The following NRG2 variants were observed in gnomAD, a reference collection of about 807,000 sequenced individuals.
The protein encoded by NRG2 is neuregulin 2.
Under a neutral mutation model 73.9 loss-of-function variants are expected in NRG2, and 27 were observed. The observed-to-expected ratio is 0.37, with a 90% CI of 0.27 to 0.50. The LOEUF (loss-of-function observed/expected upper bound fraction) is 0.50, where lower values mean the gene tolerates loss of function less well. Among genes scored for constraint, NRG2 ranks in the 20% least tolerant of loss-of-function variants. NRG2 has a pLI of 0.96. For missense variants in NRG2, 1,126 were observed against 1,210.1 expected (o/e 0.93, Z 1.03); for synonymous variants, 532 against 541.0 (o/e 0.98, Z 0.23).
In NRG2 at chr5:139,853,038, G is replaced by A. The variant is rs115851527; in HGVS notation, c.1293-11C>T. On this transcript the variant is annotated splice_polypyrimidine_tract_variant and intron_variant, in intron 6 of 9. Coordinates refer to ENST00000361474, the MANE Select transcript of NRG2 (RefSeq NM_004883.3). This position sits in a 1 kb window ranked among gnomAD's most constrained non-coding sequence, Gnocchi z 4.1. ...TGCTTCCGCTGTTTTCTGCACAAGG[G>A]AAGGGAAGGTGAGGCTGGCATTCCC... 101 of 1,613,294 alleles carry A rather than the reference G, an allele frequency of 6.3e-5. No individual in the cohort carries two copies. The highest frequency in any genetic ancestry group is 8.6e-5 in the Non-Finnish European group (101 of 1,179,682).
chr5:139,852,550 T>C lies in NRG2; in HGVS notation c.1426A>G (p.Lys476Glu). 1 of 1,613,850 alleles carries C rather than the reference T, an allele frequency of 6.2e-7. No individual in the cohort carries two copies. Among genetic ancestry groups the C allele is most frequent in the South Asian group, 1.1e-5 (1 of 91,008 alleles). The change falls in exon 8 of 10, where the codon AAG becomes GAG. Residue 476 changes from lysine to glutamate, a missense_variant. Coordinates refer to ENST00000361474, the MANE Select transcript of NRG2 (RefSeq NM_004883.3). The surrounding 1 kb of genome is among the most constrained non-coding windows in gnomAD (Gnocchi z 4.4). ...ACATGGTCTGTGGCTGGCACGTTCTTGGAAATATACTGGAACAGACAGAGT... is the reference window on the plus strand; with the variant it reads ...ACATGGTCTGTGGCTGGCACGTTCTCGGAAATATACTGGAACAGACAGAGT... Reference protein sequence around the residue: ...EEIQMADYISKNVPATDHVIR... With the variant: ...EEIQMADYISENVPATDHVIR...
chr5:139,931,112 G>A (rs980241881), intron 1 of NRG2, among the ~76,000 whole-genome samples: 7 of 152,198 alleles, frequency 4.6e-5, no homozygotes, highest in Non-Finnish European at 7.3e-5. Context: ...TATGGAAAAT[G>A]AGGATAATGA....
chr5:139,887,964 G>A lies in NRG2; in HGVS notation c.701-453C>T, dbSNP rs558879176. Among the ~76,000 whole-genome samples the A allele has an allele frequency of 6.6e-6, 1 of 152,074 alleles. No individual in the cohort carries two copies. Among genetic ancestry groups the A allele is most frequent in the Non-Finnish European group, 1.5e-5 (1 of 68,008 alleles). On this transcript the variant is annotated intron_variant, in intron 1 of 9. Coordinates refer to ENST00000361474, the MANE Select transcript of NRG2 (RefSeq NM_004883.3). The surrounding 1 kb of genome is among the most constrained non-coding windows in gnomAD (Gnocchi z 4.5). ...AACAAGCCATGGGGCTGTACTGGTG[G>A]GCTCAGGCCCAATCACGGATGCAAA... is the stretch of plus-strand genomic sequence containing the variant.
chr5:139,959,238 C>T (rs531912799), intron 1 of NRG2, among the ~76,000 whole-genome samples: 7 of 152,316 alleles, frequency 4.6e-5, no homozygotes, highest in South Asian at 2.1e-4. Flanking sequence ...CTTGCTCTGT[C>T]GCCCAGGCTG....
chr5:140,030,011 T>A (rs1475195331), intron 1 of NRG2, among the ~76,000 whole-genome samples: 1 of 152,128 alleles, frequency 6.6e-6, no homozygotes, highest in Non-Finnish European at 1.5e-5. Context: ...CAAAGCCACA[T>A]TGCTAGTAGC....
intron 6 of NRG2, among the ~76,000 whole-genome samples, chr5:139,855,126 C>T (rs1761722917): frequency 6.6e-6 from 1 of 152,196 alleles, no homozygotes; most frequent in Admixed American, 6.5e-5. Context: ...CCAGCCCTGC[C>T]TTCTCTGTCC....
chr5:139,923,818 C>G (rs555247403), intron 1 of NRG2, among the ~76,000 whole-genome samples: 70 of 152,274 alleles, frequency 4.6e-4, no homozygotes, highest in Non-Finnish European at 7.3e-5. Context: ...GACTGTCATA[C>G]TTGGGACCTC....
At chr5:139,997,900 G>A (rs1224962999) in intron 1 of NRG2, among the ~76,000 whole-genome samples, 1 of 152,222 alleles carries the variant, frequency 6.6e-6, no homozygotes, top group African/African-American at 2.4e-5. Flanking sequence ...CTGGGGAGGA[G>A]CCAGCTGCCC....
At chr5:139,935,879 A>C in intron 1 of NRG2, among the ~76,000 whole-genome samples, 1 of 151,576 alleles carries the variant, frequency 6.6e-6, no homozygotes, top group East Asian at 1.9e-4. Flanking sequence ...GAATCGCTTG[A>C]ACCTGGGAGG....
intron 1 of NRG2, among the ~76,000 whole-genome samples, chr5:140,001,635 G>T (rs1430388487): frequency 6.6e-6 from 1 of 151,886 alleles, no homozygotes; most frequent in Non-Finnish European, 1.5e-5. Context: ...GGCAAGGTGG[G>T]AGGATCGCTT....
At position 140,042,834 on chromosome 5, in the gene NRG2, C is replaced by CGGGCTGCGGGGCTGCG; in HGVS notation, c.220_235dup (p.Arg79ProfsTer135). 6.8e-7 allele frequency: 1 copy of CGGGCTGCGGGGCTGCG among 1,480,602 alleles called. No homozygotes were observed. Among genetic ancestry groups the CGGGCTGCGGGGCTGCG allele is most frequent in the Non-Finnish European group, 8.9e-7 (1 of 1,120,566 alleles). The allele number at this position is 1,480,602 out of a possible 1,614,324, so 91.7% of individuals were successfully genotyped here. On this transcript the variant is annotated frameshift_variant, in exon 1 of 10. Transcript: ENST00000361474. LOFTEE classifies it high-confidence loss of function. ...GGCTCGCGAACGGGCGGCGGCTCTC[C>CGGGCTGCGGGGCTGCG]GGGCTGCGGGGCTGCGGGGCTGCGG...
chr5:139,955,804 G>A (rs1754580856), intron 1 of NRG2, among the ~76,000 whole-genome samples: 2 of 152,142 alleles, frequency 1.3e-5, no homozygotes, highest in African/African-American at 4.8e-5. Flanking sequence ...CAAAGTGGGA[G>A]GGCCATGAAG....
At chr5:140,032,309 G>T (rs1415465218) in intron 1 of NRG2, among the ~76,000 whole-genome samples, 1 of 151,822 alleles carries the variant, frequency 6.6e-6, no homozygotes, top group Non-Finnish European at 1.5e-5. Flanking sequence ...AAGAACACAA[G>T]CCAAAATATT....
At chr5:139,909,473 C>T (rs1250733825) in intron 1 of NRG2, among the ~76,000 whole-genome samples, 1 of 152,222 alleles carries the variant, frequency 6.6e-6, no homozygotes, top group Non-Finnish European at 1.5e-5. Context: ...TCAGTGGCCT[C>T]AGATTAGGGA....
At chr5:139,907,019 G>A (rs1765280083) in intron 1 of NRG2, among the ~76,000 whole-genome samples, 1 of 152,162 alleles carries the variant, frequency 6.6e-6, no homozygotes, top group Admixed American at 6.5e-5. Context: ...GCACATGTGT[G>A]TATGGGATGT....
rs1751150193 is a variant in NRG2, at chr5:139,915,068, A to C, written c.701-27557T>G. Among the ~76,000 whole-genome samples the C allele has an allele frequency of 6.6e-6, 1 of 152,242 alleles. No individual in the cohort carries two copies. Among genetic ancestry groups the C allele is most frequent in the African/African-American group, 2.4e-5 (1 of 41,464 alleles). Reference sequence around the variant, plus strand: ...CATGGCCCCAGGGTGTGGCTCCAGTAATTCAAGGGGGAAGGGGCTGTGGGA... The same window carrying C: ...CATGGCCCCAGGGTGTGGCTCCAGTCATTCAAGGGGGAAGGGGCTGTGGGA... On this transcript the variant is annotated intron_variant, in intron 1 of 9. Transcript: ENST00000361474. The surrounding 1 kb of genome is among the most constrained non-coding windows in gnomAD (Gnocchi z 4.0).
At chr5:139,972,237 G>A (rs1756027458) in intron 1 of NRG2, among the ~76,000 whole-genome samples, 2 of 152,008 alleles carry the variant, frequency 1.3e-5, no homozygotes, top group African/African-American at 2.4e-5. Flanking sequence ...TAAAACACTA[G>A]GCCTATAATA....
chr5:140,006,404 T>G (rs1758904978), intron 1 of NRG2, among the ~76,000 whole-genome samples: 2 of 152,210 alleles, frequency 1.3e-5, no homozygotes, highest in Non-Finnish European at 2.9e-5. Context: ...ATCAAAAGCC[T>G]TAAAAATGTT....
chr5:139,994,418 G>A (rs1170105545), intron 1 of NRG2, among the ~76,000 whole-genome samples: 1 of 152,220 alleles, frequency 6.6e-6, no homozygotes, highest in Non-Finnish European at 1.5e-5. Context: ...CTGGTGCTTA[G>A]TGAAGGCTAG....
Sources: gnomAD v4.1 joint callset for allele counts (sites outside exome capture counted in the v4.1 genomes callset) on GRCh38, gnomAD v4.1.1 for gene constraint, Gnocchi (gnomAD v3.1) non-coding constraint, MANE v1.5 for transcripts, NCBI Gene and HGNC (gene_info 2026-07-23, HGNC 2026-07-21) for gene names.